ZBTB20: variants seen among roughly 807,000 people sequenced by gnomAD.
ZBTB20 encodes zinc finger and BTB domain-containing protein 20.
ZBTB20 carries 9 observed loss-of-function variants against 56.9 expected under a neutral mutation model. The observed-to-expected ratio is 0.16, with a 90% CI of 0.10 to 0.28. ZBTB20 has a LOEUF of 0.28. Ranked by LOEUF, ZBTB20 falls within the 10% of genes least tolerant of loss-of-function variation. The probability of loss-of-function intolerance (pLI) is 1.00; values close to 1 mark genes in which losing one functional copy is unlikely to be tolerated. For missense variants in ZBTB20, 655 were observed against 1,003.0 expected, an observed-to-expected ratio of 0.65 and a Z score of 4.69; for synonymous variants, 417 against 420.7, an observed-to-expected ratio of 0.99 and a Z score of 0.11.
At chr3:114,472,434 G>A (rs571783963) in intron 7 of ZBTB20, among the ~76,000 whole-genome samples, 19 of 152,314 alleles carry the variant, frequency 1.2e-4, no homozygotes, top group Admixed American at 3.9e-4. Flanking sequence ...TCAGCTGGGC[G>A]CGCAGTGGCT....
chr3:114,836,015 A>C (rs2074103833), intron 4 of ZBTB20, among the ~76,000 whole-genome samples: 1 of 152,176 alleles, frequency 6.6e-6, no homozygotes, highest in Non-Finnish European at 1.5e-5. Flanking sequence ...CAAATGCCCC[A>C]CTGCACTTAT....
rs188687608 is a variant in ZBTB20 at position 114,860,737 on chromosome 3, C to G, written c.-417+39567G>C. Among the ~76,000 whole-genome samples, 49 of 152,300 alleles carry G rather than the reference C, an allele frequency of 3.2e-4. 2 individuals are homozygous for G. Among genetic ancestry groups the G allele is most frequent in the Admixed American group, 3.1e-3 (48 of 15,302 alleles). On this transcript the variant is annotated intron_variant, in intron 4 of 11. Coordinates refer to ENST00000675478, the MANE Select transcript of ZBTB20 (RefSeq NM_001348800.3). ...TCATCCTGGAGATCTTACTGGTGTG[C>G]TTTAACTGTCTTGTGGCATTCTCTT...
At chr3:114,524,897 A>G (rs1559910064) in intron 6 of ZBTB20, among the ~76,000 whole-genome samples, 1 of 152,160 alleles carries the variant, frequency 6.6e-6, no homozygotes, top group Non-Finnish European at 1.5e-5. Context: ...GTATTTTAGT[A>G]GAGACGAGGT....
rs368907581 is a variant in ZBTB20 at position 114,823,124 on chromosome 3, T to C, written c.-416-21950A>G. ...TGGCCTAATCATCTGGCTAATCTCT[T>C]TGAGTTTTCCTGAAATATGTTCACA... On this transcript the variant is annotated intron_variant, in intron 4 of 11. Transcript: ENST00000675478. Among the ~76,000 whole-genome samples, 3 of 152,198 alleles carry C rather than the reference T, an allele frequency of 2.0e-5. No homozygotes were observed. In the East Asian group the frequency reaches 5.8e-4, roughly 29 times the overall value.
Position 115,101,695 on chromosome 3 carries a change from T to A in ZBTB20, c.-702-30281A>T, listed in dbSNP as rs555871318. Among the ~76,000 whole-genome samples the A allele has an allele frequency of 1.2e-4, 19 of 152,310 alleles. No individual in the cohort carries two copies. The South Asian group carries it at 3.5e-3, about 28-fold the overall frequency. ...GAGGTAAAATTTTCTAAAAAATATT[T>A]ACACACAAATAAAAAATATAAGTGC... On this transcript the variant is annotated intron_variant, in intron 1 of 11. Transcript: ENST00000675478.
At chr3:115,060,298 C>T (rs1213709166) in intron 2 of ZBTB20, among the ~76,000 whole-genome samples, 2 of 152,126 alleles carry the variant, frequency 1.3e-5, no homozygotes, top group Non-Finnish European at 2.9e-5. Flanking sequence ...TAGTCTACCT[C>T]AAAATGATTA....
In ZBTB20 at chr3:114,317,219, G is replaced by T. The variant is rs1560045412; in HGVS notation, c.*21786C>A. 6.6e-6 allele frequency: 1 copy of T among 152,316 alleles called. No homozygotes were observed. Among genetic ancestry groups the T allele is most frequent in the Non-Finnish European group, 1.5e-5 (1 of 68,194 alleles). 9.4% of individuals were successfully genotyped at this position (152,316 alleles called of 1,614,324 possible). Reference sequence around the variant, plus strand: ...AAAAAGATGCAAACCCCATTTCAAAGAGCCTCTCCCATTGCTCCATTAAAA... The same window carrying T: ...AAAAAGATGCAAACCCCATTTCAAATAGCCTCTCCCATTGCTCCATTAAAA... On this transcript the variant is annotated 3_prime_UTR_variant, in exon 12 of 12. Coordinates refer to ENST00000675478, the MANE Select transcript of ZBTB20 (RefSeq NM_001348800.3).
intron 1 of ZBTB20, among the ~76,000 whole-genome samples, chr3:115,143,798 A>C (rs1326388877): frequency 6.6e-6 from 1 of 152,246 alleles, no homozygotes; most frequent in African/African-American, 2.4e-5. Context: ...TGACAATAAC[A>C]AAAGGTACAA....
chr3:114,647,692 T>C (rs2059923802), intron 6 of ZBTB20, among the ~76,000 whole-genome samples: 1 of 152,210 alleles, frequency 6.6e-6, no homozygotes, highest in East Asian at 1.9e-4. Flanking sequence ...CTGTATTACA[T>C]ATACAATGTG....
At chr3:114,392,057 A>T (rs981785652) in intron 7 of ZBTB20, among the ~76,000 whole-genome samples, 2 of 152,160 alleles carry the variant, frequency 1.3e-5, no homozygotes, top group Non-Finnish European at 2.9e-5. Flanking sequence ...AATGTTGTCT[A>T]AAAAATGAGG....
chr3:114,456,383 GA>G (rs2092021031), intron 7 of ZBTB20, among the ~76,000 whole-genome samples: 2 of 152,082 alleles, frequency 1.3e-5, no homozygotes, highest in African/African-American at 4.8e-5. Context: ...GATCTACAAA[GA>G]CCTCACCCTG....
chr3:114,952,592 C>G (rs1214480626), intron 3 of ZBTB20, among the ~76,000 whole-genome samples: 1 of 146,422 alleles, frequency 6.8e-6, no homozygotes, highest in African/African-American at 2.6e-5. Context: ...AAACCCCAAA[C>G]AGAAAAAAAA....
chr3:114,643,291 T>C (rs1027422818), intron 6 of ZBTB20, among the ~76,000 whole-genome samples: 2 of 152,122 alleles, frequency 1.3e-5, no homozygotes, highest in African/African-American at 4.8e-5. Context: ...CTCCATGTGC[T>C]ACTTTGTTGT....
intron 2 of ZBTB20, among the ~76,000 whole-genome samples, chr3:114,987,385 C>T (rs1414568171): frequency 6.6e-6 from 1 of 152,064 alleles, no homozygotes; most frequent in East Asian, 1.9e-4. Context: ...AGGGGTAAGA[C>T]TGTTGAATCT....
At chr3:115,051,248 G>A (rs753505860) in intron 2 of ZBTB20, among the ~76,000 whole-genome samples, 7 of 151,836 alleles carry the variant, frequency 4.6e-5, no homozygotes, top group East Asian at 1.9e-4. Context: ...ACACAATTCC[G>A]TTTTCATATT....
At chr3:114,727,162 C>T (rs761946457) in intron 5 of ZBTB20, among the ~76,000 whole-genome samples, 3 of 152,044 alleles carry the variant, frequency 2.0e-5, no homozygotes, top group Non-Finnish European at 4.4e-5. Context: ...AGGTCCTTAA[C>T]TGTGGGAATG....
intron 4 of ZBTB20, among the ~76,000 whole-genome samples, chr3:114,805,399 A>T (rs1397714385): frequency 2.0e-5 from 3 of 151,842 alleles, no homozygotes; most frequent in Admixed American, 6.6e-5. Flanking sequence ...TAGTGGTCAG[A>T]TATTTTGTGA....
At chr3:114,708,119 T>G (rs75035976) in intron 5 of ZBTB20, among the ~76,000 whole-genome samples, 3,053 of 152,284 alleles carry the variant, frequency 0.02, 106 homozygotes, top group African/African-American at 0.07. Context: ...GTACAGAACA[T>G]GCATAAGAAA....
chr3:114,569,908 T>A (rs1372242003), intron 6 of ZBTB20, among the ~76,000 whole-genome samples: 1 of 152,112 alleles, frequency 6.6e-6, no homozygotes, highest in East Asian at 1.9e-4. Context: ...CATAAACACA[T>A]ACTTCTAGAA....
Sources: allele counts gnomAD v4.1 joint callset (sites outside exome capture counted in the v4.1 genomes callset), GRCh38; gene constraint gnomAD v4.1.1; transcripts MANE v1.5; gene names NCBI Gene and HGNC (gene_info 2026-07-23, HGNC 2026-07-21).